FER: variants seen among roughly 807,000 people sequenced by gnomAD.
FER encodes the protein tyrosine-protein kinase Fer.
Under a neutral mutation model 111.0 loss-of-function variants are expected in FER, and 63 were observed. The observed-to-expected ratio is 0.57, with a 90% CI of 0.46 to 0.70. FER has a LOEUF of 0.70. Among genes scored for constraint, FER ranks in the 30% least tolerant of loss-of-function variants. The probability of loss-of-function intolerance (pLI) is 0.00; values close to 1 mark genes in which losing one functional copy is unlikely to be tolerated. For missense variants in FER, 914 were observed against 954.0 expected (o/e 0.96, Z 0.55); for synonymous variants, 327 against 313.9 (o/e 1.04, Z -0.44).
At chr5:109,033,345 G>T (rs1306174329) in intron 13 of FER, among the ~76,000 whole-genome samples, 1 of 152,180 alleles carries the variant, frequency 6.6e-6, no homozygotes, top group South Asian at 2.1e-4. Context: ...CTCTGGAGCA[G>T]TTGTTAAGGA....
At chr5:109,099,171 C>G (rs1205177646) in intron 16 of FER, among the ~76,000 whole-genome samples, 1 of 151,376 alleles carries the variant, frequency 6.6e-6, no homozygotes, top group Non-Finnish European at 1.5e-5. Flanking sequence ...TATACTTTAA[C>G]TCTTTTTTTA....
chr5:109,101,848 G>A (rs1748269195), intron 17 of FER, among the ~76,000 whole-genome samples: 1 of 152,064 alleles, frequency 6.6e-6, no homozygotes, highest in South Asian at 2.1e-4. Context: ...TGTAATTTTG[G>A]TTGCCGAGGT....
At chr5:108,922,559 G>A (rs1753161933) in intron 10 of FER, among the ~76,000 whole-genome samples, 1 of 152,100 alleles carries the variant, frequency 6.6e-6, no homozygotes, top group Non-Finnish European at 1.5e-5. Context: ...CAGATTTAAT[G>A]TTTTATGATT....
At chr5:108,917,704 A>T (rs1423952317) in intron 10 of FER, among the ~76,000 whole-genome samples, 1 of 152,176 alleles carries the variant, frequency 6.6e-6, no homozygotes, top group African/African-American at 2.4e-5. Flanking sequence ...GATTAACAGG[A>T]AGTATGAAAA....
intron 4 of FER, among the ~76,000 whole-genome samples, chr5:108,833,535 C>T (rs1382965129): frequency 2.7e-5 from 4 of 150,422 alleles, no homozygotes; most frequent in Admixed American, 2.6e-4. Context: ...TCATTTTATC[C>T]ATAAATATTT....
At chr5:108,930,919 C>A (rs1754578618) in intron 10 of FER, among the ~76,000 whole-genome samples, 1 of 151,956 alleles carries the variant, frequency 6.6e-6, no homozygotes, top group Admixed American at 6.6e-5. Flanking sequence ...TGGCCCAACT[C>A]ATTAGTTCTA....
chr5:108,989,002 AGAATTTTT>A (rs1762871555), intron 13 of FER, among the ~76,000 whole-genome samples: 1 of 152,170 alleles, frequency 6.6e-6, no homozygotes, highest in South Asian at 2.1e-4. Context: ...GTTCGTTCAA[AGAATTTTT>A]TAATTTCCAT....
intron 17 of FER, among the ~76,000 whole-genome samples, chr5:109,149,012 A>T (rs560885977): frequency 6.6e-6 from 1 of 152,320 alleles, no homozygotes; most frequent in East Asian, 1.9e-4. Context: ...AGCAATTGTC[A>T]CATAACCTAG....
chr5:109,087,596 ATC>A (rs1777704667), intron 16 of FER, among the ~76,000 whole-genome samples: 1 of 150,534 alleles, frequency 6.6e-6, no homozygotes, highest in Non-Finnish European at 1.5e-5. Context: ...TGTTTTTTTA[ATC>A]TCTGAACATA....
At chr5:108,775,531 A>G (rs572155608) in intron 2 of FER, among the ~76,000 whole-genome samples, 1 of 152,338 alleles carries the variant, frequency 6.6e-6, no homozygotes, top group Admixed American at 6.5e-5. Flanking sequence ...GTTTAAAAAT[A>G]AAAATATAAT....
At chr5:109,147,822 G>C (rs546912572) in intron 17 of FER, among the ~76,000 whole-genome samples, 152 of 148,752 alleles carry the variant, frequency 1.0e-3, no homozygotes, top group African/African-American at 3.2e-3. Context: ...GAGAGAGAGA[G>C]AGAGACAGAG....
chr5:108,872,434 A>G (rs1764690587), intron 8 of FER, among the ~76,000 whole-genome samples: 1 of 152,106 alleles, frequency 6.6e-6, no homozygotes, highest in Admixed American at 6.6e-5. Context: ...TCATTTGCCC[A>G]ATTGTTGCTA....
intron 3 of FER, among the ~76,000 whole-genome samples, chr5:108,816,189 A>T (rs1341071505): frequency 6.6e-6 from 1 of 152,132 alleles, no homozygotes; most frequent in Admixed American, 6.5e-5. Flanking sequence ...CTTAACGTTA[A>T]TTTTGCATTT....
intron 9 of FER, among the ~76,000 whole-genome samples, chr5:108,885,030 C>T (rs533640753): frequency 2.0e-5 from 3 of 152,072 alleles, no homozygotes; most frequent in East Asian, 1.9e-4. Context: ...CATTCTCTTC[C>T]GCTCAGCCAA....
intron 16 of FER, among the ~76,000 whole-genome samples, chr5:109,083,051 A>G (rs191657393): frequency 6.6e-4 from 101 of 152,158 alleles, no homozygotes; most frequent in Non-Finnish European, 9.6e-4. Flanking sequence ...TGTTAAATCT[A>G]TATTTGAAGA....
At position 108,999,264 on chromosome 5, in the gene FER, C is replaced by T. The variant is rs150527561; in HGVS notation, c.1657-38158C>T. Among the ~76,000 whole-genome samples, 127 of 152,110 alleles carry T rather than the reference C, an allele frequency of 8.3e-4. 1 individual carries two copies. Among genetic ancestry groups the T allele is most frequent in the Admixed American group, 1.9e-3 (29 of 15,282 alleles). On this transcript the variant is annotated intron_variant, in intron 13 of 19. Transcript: ENST00000281092. ...GTCTTTGCATGTTTATCATTTGTTACGTTTTAAATTTTTTATACAATTTTA... is the reference window on the plus strand; with the variant it reads ...GTCTTTGCATGTTTATCATTTGTTATGTTTTAAATTTTTTATACAATTTTA...
At chr5:109,183,006 C>G (rs1336847051) in intron 18 of FER, among the ~76,000 whole-genome samples, 1 of 152,054 alleles carries the variant, frequency 6.6e-6, no homozygotes, top group African/African-American at 2.4e-5. Context: ...TGCGCCCAGT[C>G]TCTGAAGATC....
intron 13 of FER, among the ~76,000 whole-genome samples, chr5:108,980,315 G>C (rs1020823697): frequency 4.6e-5 from 7 of 152,136 alleles, no homozygotes; most frequent in Admixed American, 2.0e-4. Flanking sequence ...GAAGCATTGG[G>C]ATCCTTGAGG....
chr5:109,165,926 C>T (rs1409568307), intron 17 of FER, among the ~76,000 whole-genome samples: 1 of 152,050 alleles, frequency 6.6e-6, no homozygotes, highest in African/African-American at 2.4e-5. Context: ...AAAACAGGTC[C>T]TCTGTCTAAT....
Sources: allele counts gnomAD v4.1 joint callset (sites outside exome capture counted in the v4.1 genomes callset), GRCh38; gene constraint gnomAD v4.1.1; transcripts MANE v1.5; gene names NCBI Gene and HGNC (gene_info 2026-07-23, HGNC 2026-07-21).